KANSL1: variants seen among roughly 807,000 people sequenced by gnomAD.
KANSL1 encodes KAT8 regulatory NSL complex subunit 1, also known as MLL1/MLL complex subunit KANSL1.
Under a neutral mutation model 103.6 loss-of-function variants are expected in KANSL1, and 22 were observed. The ratio of observed to expected loss-of-function variants is 0.21; its 90% CI spans 0.15 to 0.30. KANSL1 has a LOEUF of 0.30. Ranked by LOEUF, KANSL1 falls within the 10% of genes least tolerant of loss-of-function variation. The pLI, the probability that KANSL1 is intolerant of heterozygous loss-of-function variation, is 1.00. For missense variants in KANSL1, 1,337 were observed against 1,399.8 expected, an observed-to-expected ratio of 0.96 and a Z score of 0.72; for synonymous variants, 600 against 527.6, an observed-to-expected ratio of 1.14 and a Z score of -1.88.
chr17:46,114,773 G>A (rs1469374246), intron 2 of KANSL1, among the ~76,000 whole-genome samples: 1 of 152,206 alleles, frequency 6.6e-6, no homozygotes, highest in Admixed American at 6.5e-5. Context: ...TGAGTGGGGA[G>A]GTAACTAGTT....
At chr17:46,069,597 A>G (rs12150057) in intron 4 of KANSL1, among the ~76,000 whole-genome samples, 2,882 of 152,076 alleles carry the variant, frequency 0.019, 27 homozygotes, top group Middle Eastern at 0.041. Flanking sequence ...ATACAAAATT[A>G]GTTGGGCATG....
At chr17:46,204,396 T>C (rs1012242831) in intron 1 of KANSL1, among the ~76,000 whole-genome samples, 3 of 152,120 alleles carry the variant, frequency 2.0e-5, no homozygotes, top group African/African-American at 7.3e-5. Flanking sequence ...ACCTGGGAAG[T>C]GGAGGTTGCA....
chr17:46,107,885 C>T (rs1220558156), intron 2 of KANSL1, among the ~76,000 whole-genome samples: 1 of 152,192 alleles, frequency 6.6e-6, no homozygotes, highest in Non-Finnish European at 1.5e-5. Flanking sequence ...CCCCCACCAC[C>T]TCTATCTCTC....
rs1386078257 is a variant in KANSL1, at chr17:46,039,133, T to C, written c.2286A>G (p.Arg762=). Residue 762 remains arginine, a synonymous_variant, in exon 9 of 15, where the codon CGA becomes CGG. Coordinates refer to ENST00000432791, the MANE Select transcript of KANSL1 (RefSeq NM_015443.4). The part of the protein sequence containing the change: ...DDVGAVPMVE[R]VTAPKAERLL... ...AGCGCTCTGCTTTTGGCGCTGTCAC[T>C]CGCTCCACCATGGGCACGGCCCCCA... 1.2e-6 allele frequency: 2 copies of C among 1,612,472 alleles called. No individual in the cohort carries two copies. Among genetic ancestry groups the C allele is most frequent in the Non-Finnish European group, 1.7e-6 (2 of 1,179,718 alleles).
At chr17:46,199,456 C>A (rs1356159136) in intron 1 of KANSL1, among the ~76,000 whole-genome samples, 1 of 152,212 alleles carries the variant, frequency 6.6e-6, no homozygotes, top group Admixed American at 6.5e-5. Context: ...GAGGCCTTAG[C>A]TGATTCAAAA....
intron 2 of KANSL1, chr17:46,170,180 A>C (rs2046211142): frequency 6.6e-6 from 1 of 152,304 alleles, no homozygotes; most frequent in South Asian, 2.1e-4. Flanking sequence ...AACAAAAAAA[A>C]CAACCCAGTA....
intron 2 of KANSL1, among the ~76,000 whole-genome samples, chr17:46,139,941 T>C (rs1397775653): frequency 6.6e-6 from 1 of 152,208 alleles, no homozygotes; most frequent in Non-Finnish European, 1.5e-5. Context: ...ACCACAATAA[T>C]TCAAGTAAAT....
intron 2 of KANSL1, among the ~76,000 whole-genome samples, chr17:46,168,567 G>A (rs1226837834): frequency 2.0e-5 from 3 of 152,046 alleles, no homozygotes; most frequent in Non-Finnish European, 1.5e-5. Flanking sequence ...AACTGGTCTC[G>A]AACTCTCAAC....
chr17:46,037,985 T>C (rs12185243), intron 10 of KANSL1: 21,846 of 152,778 alleles, frequency 0.14, 2,142 homozygotes, highest in Non-Finnish European at 0.22. Context: ...CTGCTGGATC[T>C]GTAATTCTGC....
chr17:46,034,301 T>G lies in KANSL1; in HGVS notation c.2542-16A>C, dbSNP rs1172207315. 1.9e-6 allele frequency: 3 copies of G among 1,612,852 alleles called. No homozygotes were observed. Among genetic ancestry groups the G allele is most frequent in the Non-Finnish European group, 2.5e-6 (3 of 1,179,596 alleles). ...CTGGCTGCTGCTGTAAGATAAAAAT[T>G]AAGTTTAAAAGGAAGGTACAATTTT... On this transcript the variant is annotated splice_polypyrimidine_tract_variant and intron_variant, in intron 10 of 14. Transcript: ENST00000432791.
chr17:46,039,629 A>C, intron 8 of KANSL1, 73 bp downstream of exon 8: 24 of 1,481,110 alleles, frequency 1.6e-5, no homozygotes, highest in Non-Finnish European at 1.9e-5. Flanking sequence ...CATGCAAACT[A>C]CAAATTTGAG....
At position 46,034,214 on chromosome 17, in the gene KANSL1, A is replaced by G; in HGVS notation, c.2613T>C (p.Val871=). 6.2e-7 allele frequency: 1 copy of G among 1,614,198 alleles called. No individual in the cohort carries two copies. Among genetic ancestry groups the G allele is most frequent in the Non-Finnish European group, 8.5e-7 (1 of 1,180,008 alleles). The stretch of plus-strand genomic sequence containing the variant: ...GTTTCTCTACGCGAGTTGTTGCAGC[A>G]ACAGACATTGGGATGACAATGTTGT... ...DINNIVIPMS[V]AATTRVEKLQ... is the part of the protein sequence containing the mutation. Residue 871 remains valine (V), a synonymous_variant, in exon 11 of 15, where the codon GTT becomes GTC. Transcript: ENST00000432791.
intron 2 of KANSL1, among the ~76,000 whole-genome samples, chr17:46,137,831 C>CA (rs1203212977): frequency 6.0e-5 from 9 of 148,804 alleles, no homozygotes. Flanking sequence ...CACGCCACTG[C>CA]ACTCAGGTCT....
intron 4 of KANSL1, among the ~76,000 whole-genome samples, chr17:46,078,693 T>C (rs1373797605): frequency 6.6e-6 from 1 of 152,264 alleles, no homozygotes; most frequent in Non-Finnish European, 1.5e-5. Context: ...ATTTACCTAG[T>C]AATATGCACA....
chr17:46,043,619 T>C (rs1159855696), intron 7 of KANSL1: 2 of 152,250 alleles, frequency 1.3e-5, no homozygotes, highest in Admixed American at 6.5e-5. Flanking sequence ...AGACAGTTAC[T>C]GTCAATTCAT....
rs67483415 is a variant in KANSL1 at position 46,062,134 on chromosome 17, A to AAC, written c.1848+4402_1848+4403insGT. Among the ~76,000 whole-genome samples, 718 of 132,760 alleles carry AAC rather than the reference A, an allele frequency of 5.4e-3. 27 individuals carry two copies. The highest frequency in any genetic ancestry group is 0.038 in the South Asian group (130 of 3,442). 87.1% of individuals were successfully genotyped at this position (132,760 alleles called of 152,430 possible). A position where few individuals can be genotyped will look rare whatever the true frequency, so the allele number is the denominator to read the frequency against. On this transcript the variant is annotated intron_variant, in intron 6 of 14. Transcript: ENST00000432791. ...ACAAACAAACAAAAAAAAAAAAAAA[A>AAC]CATGTTACAGCAGATTTACCTCCCC...
intron 2 of KANSL1, among the ~76,000 whole-genome samples, chr17:46,105,754 C>T (rs1367990133): frequency 6.6e-6 from 1 of 152,026 alleles, no homozygotes; most frequent in Non-Finnish European, 1.5e-5. Flanking sequence ...GCCTAAGGTC[C>T]CAGCTACTCA....
At chr17:46,102,213 A>G (rs1385672382) in intron 2 of KANSL1, among the ~76,000 whole-genome samples, 1 of 152,154 alleles carries the variant, frequency 6.6e-6, no homozygotes, top group Non-Finnish European at 1.5e-5. Context: ...TCAGCTTTCT[A>G]CAGATATCTG....
At chr17:46,186,922 A>G (rs1440086821) in intron 1 of KANSL1, among the ~76,000 whole-genome samples, 1 of 151,546 alleles carries the variant, frequency 6.6e-6, no homozygotes, top group East Asian at 1.9e-4. Flanking sequence ...TTTAGTAGAG[A>G]CAGGGTTTCA....
Sources: allele counts gnomAD v4.1 joint callset (sites outside exome capture counted in the v4.1 genomes callset), GRCh38; gene constraint gnomAD v4.1.1; transcripts MANE v1.5; gene names NCBI Gene and HGNC (gene_info 2026-07-23, HGNC 2026-07-21).